Variants in LPAR6 observed in about 807,000 individuals in gnomAD.
LPAR6 encodes the protein G-protein coupled purinergic receptor P2Y5.
LPAR6 carries 17 observed loss-of-function variants against 22.0 expected under a neutral mutation model. That is an observed-to-expected ratio of 0.77 (90% confidence interval 0.53 to 1.16). LPAR6 has a LOEUF of 1.16. Ranked by LOEUF, LPAR6 falls within the 50% of genes most tolerant of loss-of-function variation. LPAR6 has a pLI of 0.00. For missense variants in LPAR6, 384 were observed against 406.9 expected (o/e 0.94, Z 0.48); for synonymous variants, 136 against 139.8 (o/e 0.97, Z 0.19).
upstream of LPAR6, among the ~76,000 whole-genome samples, chr13:48,429,737 A>G (rs1018781951): frequency 6.6e-5 from 10 of 152,312 alleles, no homozygotes; most frequent in East Asian, 1.9e-4. Context: ...ACTGGTGCCA[A>G]TCTCTCAAAT....
chr13:48,428,801 G>A (rs1167556689), upstream of LPAR6, among the ~76,000 whole-genome samples: 4 of 152,296 alleles, frequency 2.6e-5, no homozygotes, highest in East Asian at 7.7e-4. Flanking sequence ...TATCTCTGCT[G>A]CTTTCAAATA....
upstream of LPAR6, among the ~76,000 whole-genome samples, chr13:48,427,134 C>T (rs917910043): frequency 2.0e-5 from 3 of 152,302 alleles, no homozygotes; most frequent in Non-Finnish European, 2.9e-5. Flanking sequence ...TACCAAACCT[C>T]ACCTCCAGCA....
At chr13:48,425,610 C>G (rs74860404) in intron 1 of LPAR6, among the ~76,000 whole-genome samples, 4,298 of 152,080 alleles carry the variant, frequency 0.028, 89 homozygotes, top group Non-Finnish European at 0.042. Flanking sequence ...CCCACCTACT[C>G]AGGAGGCAGA....
At chr13:48,428,977 T>G (rs1949103654), upstream of LPAR6, among the ~76,000 whole-genome samples, 1 of 152,212 alleles carries the variant, frequency 6.6e-6, no homozygotes, top group Non-Finnish European at 1.5e-5. Flanking sequence ...AGGATGCTCC[T>G]GGAAGCTGCA....
chr13:48,413,910 G>A (rs371783703), upstream of LPAR6, among the ~76,000 whole-genome samples: 4 of 152,004 alleles, frequency 2.6e-5, no homozygotes, highest in Non-Finnish European at 4.4e-5. Context: ...CAAAATTTTA[G>A]GTTCATAGTC....
chr13:48,416,472 C>A (rs1566215802), upstream of LPAR6: 4 of 152,680 alleles, frequency 2.6e-5, no homozygotes, highest in Admixed American at 2.6e-4. Flanking sequence ...CTACACCACC[C>A]AGGCCCTGGG....
At chr13:48,440,107 T>G (rs571034990) in intron 1 of LPAR6, among the ~76,000 whole-genome samples, 1 of 152,260 alleles carries the variant, frequency 6.6e-6, no homozygotes, top group Non-Finnish European at 1.5e-5. Context: ...TCTCTCTTTT[T>G]GGGTATATCA....
upstream of LPAR6, among the ~76,000 whole-genome samples, chr13:48,416,904 G>A (rs762906179): frequency 3.9e-5 from 6 of 152,198 alleles, no homozygotes; most frequent in Non-Finnish European, 8.8e-5. Flanking sequence ...TGAAAAAAAG[G>A]CAGCAGCCCC....
chr13:48,412,015 A>G lies in LPAR6; in HGVS notation c.409T>C (p.Cys137Arg). 1 of 1,612,506 alleles carries G rather than the reference A, an allele frequency of 6.2e-7. No individual in the cohort carries two copies. The highest frequency in any genetic ancestry group is 1.1e-5 in the South Asian group (1 of 90,906). The change falls in exon 1 of 1, where the codon TGC (cysteine) becomes CGC (arginine). Residue 137 changes from cysteine (C) to arginine (R), a missense_variant. Cys to Arg is a radical substitution (Grantham distance 180, BLOSUM62 -3). Transcript: ENST00000620633. ...LRTKRNAKIV[C>R]TGVWLTVIGG... is the part of the protein sequence containing the mutation. ...ATCACAGTTAACCACACGCCAGTGC[A>G]AACAATCTTTGCATTTCTTTTGGTT...
intron 1 of LPAR6, among the ~76,000 whole-genome samples, chr13:48,401,900 C>CT (rs1328559493): frequency 6.6e-6 from 1 of 152,146 alleles, no homozygotes; most frequent in Non-Finnish European, 1.5e-5. Context: ...TCTTCAAAGA[C>CT]TAACATAAAT....
chr13:48,432,526 A>G (rs1197493306), intron 1 of LPAR6, among the ~76,000 whole-genome samples: 1 of 151,730 alleles, frequency 6.6e-6, no homozygotes, highest in Non-Finnish European at 1.5e-5. Context: ...GTTCCATTTC[A>G]GTCACATTCC....
chr13:48,415,772 G>A (rs974939561), upstream of LPAR6: 2 of 152,132 alleles, frequency 1.3e-5, no homozygotes, highest in Non-Finnish European at 2.9e-5. Flanking sequence ...GAATTTTGTT[G>A]CCAGTTGTTT....
chr13:48,432,132 G>C (rs1949136475), intron 1 of LPAR6, among the ~76,000 whole-genome samples: 1 of 152,100 alleles, frequency 6.6e-6, no homozygotes, highest in Non-Finnish European at 1.5e-5. Flanking sequence ...GGTCAAAGAA[G>C]GCCTTGCTAA....
intron 1 of LPAR6, among the ~76,000 whole-genome samples, chr13:48,432,729 A>G (rs1226037411): frequency 1.3e-5 from 2 of 152,178 alleles, no homozygotes; most frequent in African/African-American, 4.8e-5. Flanking sequence ...TGTCCTAACT[A>G]TGCTTGAGTA....
intron 1 of LPAR6, among the ~76,000 whole-genome samples, chr13:48,425,583 A>T (rs1949068128): frequency 6.6e-6 from 1 of 152,116 alleles, no homozygotes; most frequent in Non-Finnish European, 1.5e-5. Context: ...CTAAAAATTA[A>T]TGTGCGTCTC....
intron 1 of LPAR6, among the ~76,000 whole-genome samples, chr13:48,394,710 G>A (rs1308525760): frequency 6.6e-6 from 1 of 152,172 alleles, no homozygotes; most frequent in East Asian, 1.9e-4. Context: ...CTCCTCTCTG[G>A]GCAGGGCATC....
chr13:48,407,140 C>T (rs1948747879), downstream of LPAR6, among the ~76,000 whole-genome samples: 1 of 152,192 alleles, frequency 6.6e-6, no homozygotes, highest in Admixed American at 6.6e-5. Flanking sequence ...TGTAAGTATA[C>T]AACACATAAT....
chr13:48,397,713 TGTATGA>T (rs1476127558), intron 1 of LPAR6, among the ~76,000 whole-genome samples: 2 of 152,364 alleles, frequency 1.3e-5, no homozygotes, highest in East Asian at 1.9e-4. Context: ...GGTCATTTTA[TGTATGA>T]GTATAATTTG....
At chr13:48,440,192 C>T (rs964384348) in intron 1 of LPAR6, among the ~76,000 whole-genome samples, 3 of 152,044 alleles carry the variant, frequency 2.0e-5, no homozygotes, top group South Asian at 2.1e-4. Flanking sequence ...TATATGCTGC[C>T]TCCCAAATAA....
Sources: gnomAD v4.1 joint callset for allele counts (sites outside exome capture counted in the v4.1 genomes callset) on GRCh38, gnomAD v4.1.1 for gene constraint, MANE v1.5 for transcripts, NCBI Gene and HGNC (gene_info 2026-07-23, HGNC 2026-07-21) for gene names.